The following MROH9 variants were observed in gnomAD, a reference collection of about 807,000 sequenced individuals.
The protein encoded by MROH9 is maestro heat-like repeat-containing protein family member 9.
Under a neutral mutation model 98.2 loss-of-function variants are expected in MROH9, and 92 were observed. That is an observed-to-expected ratio of 0.94 (90% CI 0.79 to 1.11). The LOEUF is 1.11. Among genes scored for constraint, MROH9 ranks in the 50% most tolerant of loss-of-function variants. The pLI, the probability that MROH9 is intolerant of heterozygous loss-of-function variation, is 0.00. For missense variants in MROH9, 1,057 were observed against 1,014.8 expected, an observed-to-expected ratio of 1.04 and a Z score of -0.57; for synonymous variants, 397 against 368.9, an observed-to-expected ratio of 1.08 and a Z score of -0.87.
rs77565346 is a variant in MROH9, at chr1:170,973,112, C to T, written c.616+1229C>T. ...AACGGAGTACATGAGTGCATGCACA[C>T]GCATACACACACACACACACGCACG... On this transcript the variant is annotated intron_variant, in intron 8 of 21. Coordinates refer to ENST00000367759, the MANE Select transcript of MROH9 (RefSeq NM_001163629.2). 9.2e-3 allele frequency among the ~76,000 whole-genome samples: 1,384 copies of T among 151,040 alleles called. 25 individuals are homozygous for T. The highest frequency in any genetic ancestry group is 0.031 in the African/African-American group (1,286 of 41,124).
rs11486182 is a variant in MROH9, at chr1:171,006,446, G to T, written c.1597-7671G>T. On this transcript the variant is annotated intron_variant, in intron 15 of 21. Coordinates refer to ENST00000367759, the MANE Select transcript of MROH9 (RefSeq NM_001163629.2). The stretch of plus-strand genomic sequence containing the variant: ...AGTCTTGAGCTTTATGAATCTAGAT[G>T]TTCTCTCTCTATCTTTCTCTCTGCT... Among the ~76,000 whole-genome samples the T allele has an allele frequency of 1.3e-4, 20 of 151,926 alleles. No individual in the cohort carries two copies. The East Asian group carries it at 3.7e-3, about 28-fold the overall frequency.
chr1:171,055,623 A>T (rs111914563), intron 20 of MROH9, among the ~76,000 whole-genome samples: 1 of 126,100 alleles, frequency 7.9e-6, no homozygotes, highest in Non-Finnish European at 1.7e-5. Context: ...CTTCATAAAA[A>T]AAAAAAAAAA....
chr1:171,006,139 T>C (rs1213159547), intron 15 of MROH9, among the ~76,000 whole-genome samples: 3 of 152,206 alleles, frequency 2.0e-5, no homozygotes, highest in Non-Finnish European at 4.4e-5. Context: ...CCTCAGCTTT[T>C]GTTTGTTTGG....
chr1:171,048,767 G>A (rs1653554663), intron 20 of MROH9, among the ~76,000 whole-genome samples: 2 of 152,142 alleles, frequency 1.3e-5, no homozygotes, highest in African/African-American at 4.8e-5. Flanking sequence ...CTCAACTGAA[G>A]CCAGCAAGTC....
intron 3 of MROH9, among the ~76,000 whole-genome samples, chr1:170,953,430 C>T (rs1307351168): frequency 6.6e-6 from 1 of 151,792 alleles, no homozygotes; most frequent in African/African-American, 2.4e-5. Flanking sequence ...CTTTTCCTAA[C>T]CAAAAATGGC....
intron 20 of MROH9, among the ~76,000 whole-genome samples, chr1:171,053,357 G>A (rs1479993456): frequency 6.6e-6 from 1 of 152,160 alleles, no homozygotes; most frequent in Non-Finnish European, 1.5e-5. Flanking sequence ...GATCTGTGAT[G>A]GATTCATCCT....
At chr1:170,997,505 A>C (rs1408176139) in intron 14 of MROH9, among the ~76,000 whole-genome samples, 1 of 152,176 alleles carries the variant, frequency 6.6e-6, no homozygotes, top group East Asian at 1.9e-4. Context: ...GCATTTTAGC[A>C]ATATCCCAAG....
intron 7 of MROH9, among the ~76,000 whole-genome samples, chr1:170,970,870 A>G (rs1650431678): frequency 6.6e-6 from 1 of 152,158 alleles, no homozygotes; most frequent in African/African-American, 2.4e-5. Flanking sequence ...GGATCCCCCT[A>G]GAGTTTACCA....
intron 20 of MROH9, among the ~76,000 whole-genome samples, chr1:171,036,103 T>C (rs891954928): frequency 6.6e-6 from 1 of 152,082 alleles, no homozygotes; most frequent in Non-Finnish European, 1.5e-5. Context: ...GCTTACAACG[T>C]TGAAATAAAA....
At chr1:171,008,275 TG>T (rs1393344401) in intron 15 of MROH9, among the ~76,000 whole-genome samples, 1 of 152,178 alleles carries the variant, frequency 6.6e-6, no homozygotes, top group Non-Finnish European at 1.5e-5. Context: ...TAATATATAA[TG>T]GTCACAGATA....
At chr1:171,061,317 C>T (rs972919423) in intron 20 of MROH9, among the ~76,000 whole-genome samples, 1 of 152,062 alleles carries the variant, frequency 6.6e-6, no homozygotes, top group Non-Finnish European at 1.5e-5. Flanking sequence ...TTAGCAGTAA[C>T]CGCTGAAGTG....
At chr1:170,976,723 G>A (rs987571169) in intron 8 of MROH9, among the ~76,000 whole-genome samples, 13 of 152,018 alleles carry the variant, frequency 8.6e-5, no homozygotes, top group African/African-American at 3.1e-4. Context: ...ATGTGTCTTG[G>A]GGATGTAGAA....
chr1:171,026,005 G>A (rs1475410512), intron 20 of MROH9, among the ~76,000 whole-genome samples: 1 of 152,068 alleles, frequency 6.6e-6, no homozygotes, highest in Non-Finnish European at 1.5e-5. Flanking sequence ...TCTCCAACTT[G>A]GCAGTCGGAT....
At chr1:170,973,069 G>A (rs1650528788) in intron 8 of MROH9, among the ~76,000 whole-genome samples, 1 of 151,340 alleles carries the variant, frequency 6.6e-6, no homozygotes, top group African/African-American at 2.4e-5. Context: ...AGCTAGGGTT[G>A]AAAGGCCAGG....
chr1:170,944,675 G>A (rs976371524), intron 1 of MROH9, among the ~76,000 whole-genome samples: 1 of 152,048 alleles, frequency 6.6e-6, no homozygotes, highest in African/African-American at 2.4e-5. Flanking sequence ...AAGCTTTGAG[G>A]CAGTAAAGGT....
chr1:170,962,002 TTTC>T (rs1347268462), intron 6 of MROH9, 26 bp downstream of exon 6: 1 of 1,303,644 alleles, frequency 7.7e-7, no homozygotes, highest in Non-Finnish European at 1.1e-6. Flanking sequence ...GTAGTTTAAT[TTTC>T]TTGTCATAAG....
chr1:171,038,991 G>A (rs58809352), intron 20 of MROH9, among the ~76,000 whole-genome samples: 3,826 of 151,828 alleles, frequency 0.025, 166 homozygotes, highest in African/African-American at 0.087. Flanking sequence ...GTAGCAACCC[G>A]GATGTAGCTG....
At chr1:170,937,412 T>C (rs906622757) in intron 1 of MROH9, among the ~76,000 whole-genome samples, 19 of 151,658 alleles carry the variant, frequency 1.3e-4, no homozygotes, top group African/African-American at 4.6e-4. Flanking sequence ...ATATTTGGTA[T>C]CTAATATATA....
chr1:171,009,768 T>C (rs1343070378), intron 15 of MROH9, among the ~76,000 whole-genome samples: 1 of 152,172 alleles, frequency 6.6e-6, no homozygotes. Context: ...CTTGATAAAA[T>C]GGCTGGTTTC....
Sources: gnomAD v4.1 joint callset for allele counts (sites outside exome capture counted in the v4.1 genomes callset) on GRCh38, gnomAD v4.1.1 for gene constraint, MANE v1.5 for transcripts, NCBI Gene and HGNC (gene_info 2026-07-23, HGNC 2026-07-21) for gene names.